The following C1GALT1 variants were observed in gnomAD, a reference collection of about 807,000 sequenced individuals.
C1GALT1 encodes the protein glycoprotein-N-acetylgalactosamine 3-beta-galactosyltransferase 1.
In C1GALT1, 11 loss-of-function variants were observed where a neutral mutation model predicts 31.0. That is an observed-to-expected ratio of 0.36 (90% CI 0.22 to 0.59). C1GALT1 has a LOEUF of 0.59. C1GALT1 is among the 20% of genes least tolerant of loss of function. The pLI, the probability that C1GALT1 is intolerant of heterozygous loss-of-function variation, is 0.79. For synonymous variants in C1GALT1, 175 were observed against 143.6 expected (o/e 1.22, Z -1.56); for missense variants, 424 against 425.2 (o/e 1.00, Z 0.03).
upstream of C1GALT1, among the ~76,000 whole-genome samples, chr7:7,179,034 A>C (rs1185894995): frequency 6.6e-6 from 1 of 152,198 alleles, no homozygotes; most frequent in Non-Finnish European, 1.5e-5. Flanking sequence ...ATCTGCTTCC[A>C]AGCTCACTCA....
chr7:7,163,493 G>A (rs955461273), intron 2 of C1GALT1, among the ~76,000 whole-genome samples: 4 of 152,242 alleles, frequency 2.6e-5, no homozygotes, highest in Middle Eastern at 6.8e-3. Context: ...AGGAAATAAA[G>A]GGTATTCAAT....
chr7:7,219,585 A>G (rs1268593365), intron 1 of C1GALT1, among the ~76,000 whole-genome samples: 1 of 152,240 alleles, frequency 6.6e-6, no homozygotes, highest in Non-Finnish European at 1.5e-5. Context: ...CTACATAAAT[A>G]AAAACTATTT....
intron 1 of C1GALT1, among the ~76,000 whole-genome samples, chr7:7,224,576 T>C: frequency 6.6e-6 from 1 of 152,146 alleles, no homozygotes; most frequent in Non-Finnish European, 1.5e-5. Context: ...TGGTTTATGC[T>C]TTTCAAGGAA....
At chr7:7,201,077 G>A (rs568120634) in intron 1 of C1GALT1, among the ~76,000 whole-genome samples, 8 of 152,286 alleles carry the variant, frequency 5.3e-5, no homozygotes, top group African/African-American at 1.4e-4. Flanking sequence ...GAGAAGAGGC[G>A]CTCTGATTTT....
chr7:7,218,645 T>C (rs1282139854), intron 1 of C1GALT1, among the ~76,000 whole-genome samples: 1 of 152,204 alleles, frequency 6.6e-6, no homozygotes, highest in Non-Finnish European at 1.5e-5. Flanking sequence ...TAAGATATTC[T>C]GTTTTGCCTT....
chr7:7,210,645 G>A (rs10253709), intron 1 of C1GALT1: 14,308 of 152,074 alleles, frequency 0.094, 812 homozygotes, highest in East Asian at 0.16. Context: ...TTGACTAGGC[G>A]CATCATTCAC....
intron 2 of C1GALT1, among the ~76,000 whole-genome samples, chr7:7,158,153 A>C (rs1173156441): frequency 6.6e-6 from 1 of 152,150 alleles, no homozygotes; most frequent in African/African-American, 2.4e-5. Flanking sequence ...AGTTTTGTAG[A>C]GTCCACTCTA....
At chr7:7,165,594 A>C (rs73674671) in intron 2 of C1GALT1, among the ~76,000 whole-genome samples, 3,584 of 152,234 alleles carry the variant, frequency 0.024, 130 homozygotes, top group African/African-American at 0.08. Flanking sequence ...CTTTCAAGAC[A>C]GGAAGAAAGA....
At chr7:7,168,477 G>A (rs1396661003) in intron 2 of C1GALT1, among the ~76,000 whole-genome samples, 2 of 152,182 alleles carry the variant, frequency 1.3e-5, no homozygotes, top group Non-Finnish European at 2.9e-5. Context: ...AATTGGAAAA[G>A]TAAAAGGAAA....
chr7:7,206,612 G>A (rs952874282), intron 1 of C1GALT1, among the ~76,000 whole-genome samples: 1 of 151,368 alleles, frequency 6.6e-6, no homozygotes, highest in Non-Finnish European at 1.5e-5. Flanking sequence ...GGAGGCGGTG[G>A]TTGCAGTTAG....
intron 2 of C1GALT1, among the ~76,000 whole-genome samples, chr7:7,164,459 T>C (rs1261207635): frequency 2.0e-5 from 3 of 152,184 alleles, no homozygotes; most frequent in Non-Finnish European, 4.4e-5. Context: ...AGCTCTCCTC[T>C]TGCTTTACAT....
chr7:7,212,793 T>C (rs575672219), intron 1 of C1GALT1, among the ~76,000 whole-genome samples: 1 of 152,140 alleles, frequency 6.6e-6, no homozygotes, highest in East Asian at 1.9e-4. Context: ...GGGTGTATTG[T>C]CACAAGGGCT....
intron 1 of C1GALT1, among the ~76,000 whole-genome samples, chr7:7,190,506 C>T (rs1781021209): frequency 6.6e-6 from 1 of 152,136 alleles, no homozygotes; most frequent in Non-Finnish European, 1.5e-5. Context: ...TTTCTCAGCA[C>T]ATTGTCTTTA....
In C1GALT1 at chr7:7,246,000, A is replaced by G. The variant is rs1019872437; in HGVS notation, c.*2273A>G. ...AGAACATTGATAGGGAGCAATAAAT[A>G]GAAGATTGTATTATTATTCTGTTAC... is the stretch of plus-strand genomic sequence containing the variant. On this transcript the variant is annotated 3_prime_UTR_variant, in exon 4 of 4. Transcript: ENST00000436587. 6.6e-6 allele frequency: 1 copy of G among 152,212 alleles called. No homozygotes were observed. The highest frequency in any genetic ancestry group is 6.5e-5 in the Admixed American group (1 of 15,274). The allele number at this position is 152,212 out of a possible 1,614,324, so 9.4% of individuals were successfully genotyped here.
chr7:7,237,388 A>G (rs949986076), intron 2 of C1GALT1, among the ~76,000 whole-genome samples: 3 of 152,218 alleles, frequency 2.0e-5, no homozygotes, highest in African/African-American at 7.2e-5. Context: ...CTCACTGCTT[A>G]CTTAAATGGA....
intron 1 of C1GALT1, among the ~76,000 whole-genome samples, chr7:7,232,385 G>A (rs1783119337): frequency 6.6e-6 from 1 of 151,996 alleles, no homozygotes. Flanking sequence ...TTGATTTTTA[G>A]GGTTATATTT....
chr7:7,171,829 C>A (rs1431330391), intron 2 of C1GALT1, among the ~76,000 whole-genome samples: 3 of 152,088 alleles, frequency 2.0e-5, no homozygotes, highest in Non-Finnish European at 4.4e-5. Flanking sequence ...GCATTGATAC[C>A]AACTTAACTT....
At chr7:7,233,041 T>C (rs6974200) in intron 1 of C1GALT1, among the ~76,000 whole-genome samples, 2,113 of 152,262 alleles carry the variant, frequency 0.014, 43 homozygotes, top group African/African-American at 0.048. Context: ...TCTTGAGGAA[T>C]AGGAAACTAG....
chr7:7,233,806 T>C (rs910773734), intron 1 of C1GALT1, among the ~76,000 whole-genome samples: 1 of 152,210 alleles, frequency 6.6e-6, no homozygotes, highest in Non-Finnish European at 1.5e-5. Flanking sequence ...AGTGTTTTTT[T>C]ACGTTTATAA....
Sources: gnomAD v4.1 joint callset for allele counts (sites outside exome capture counted in the v4.1 genomes callset) on GRCh38, gnomAD v4.1.1 for gene constraint, MANE v1.5 for transcripts, NCBI Gene and HGNC (gene_info 2026-07-23, HGNC 2026-07-21) for gene names.